The following NRG1 variants were observed in gnomAD, a reference collection of about 807,000 sequenced individuals.
NRG1 encodes pro-neuregulin-1, membrane-bound isoform.
A neutral mutation model predicts 63.8 loss-of-function variants in NRG1; 18 were observed. The ratio of observed to expected loss-of-function variants is 0.28; its 90% confidence interval spans 0.19 to 0.42. The LOEUF is 0.42. NRG1 is among the 10% of genes least tolerant of loss of function. NRG1 has a pLI of 1.00. For synonymous variants in NRG1, 302 were observed against 301.3 expected (o/e 1.00, Z -0.02); for missense variants, 762 against 814.7 (o/e 0.94, Z 0.79).
intron 1 of NRG1, among the ~76,000 whole-genome samples, chr8:32,357,403 C>T (rs1433291638): frequency 2.0e-5 from 3 of 152,152 alleles, no homozygotes; most frequent in Non-Finnish European, 4.4e-5. Context: ...AGTTTTAGAA[C>T]AGTAGTAAGT....
At chr8:32,634,099 T>TA (rs57478389) in intron 5 of NRG1, among the ~76,000 whole-genome samples, 1,334 of 86,728 alleles carry the variant, frequency 0.015, 35 homozygotes, top group Non-Finnish European at 0.018. Context: ...GATCTTGTCT[T>TA]AAAAAAAAAA....
chr8:32,408,832 C>T (rs1442351815), intron 1 of NRG1, among the ~76,000 whole-genome samples: 1 of 152,068 alleles, frequency 6.6e-6, no homozygotes, highest in African/African-American at 2.4e-5. Context: ...GTGTAACCAT[C>T]ACTCAAATAG....
intron 1 of NRG1, among the ~76,000 whole-genome samples, chr8:32,435,141 A>C (rs1818625124): frequency 6.6e-6 from 1 of 152,128 alleles, no homozygotes; most frequent in Non-Finnish European, 1.5e-5. Flanking sequence ...AGATAGGCAC[A>C]ATGGGAGGCA....
rs1829264728 is a variant in NRG1 at position 32,754,302 on chromosome 8, C to G, written c.692-70C>G. The G allele has an allele frequency of 1.3e-5, 17 of 1,307,940 alleles. 1 individual carries two copies. In the South Asian group the frequency reaches 1.9e-4, roughly 15 times the overall value. The allele number at this position is 1,307,940 out of a possible 1,614,324, so 81.0% of individuals were successfully genotyped here. The stretch of plus-strand genomic sequence containing the variant: ...TGGACAATGTCATGCAGCATGCCCA[C>G]TGTTTGGTTGTAGTCAGTCCTGGCA... On this transcript the variant is annotated intron_variant, in intron 7 of 11. Transcript: ENST00000356819.
chr8:32,209,712 CCCTTCCTTCCTT>C (rs200085311), intron 1 of NRG1, among the ~76,000 whole-genome samples: 12,323 of 131,898 alleles, frequency 0.093, 637 homozygotes, highest in Non-Finnish European at 0.1. Context: ...TTCTCTCTTT[CCCTTCCTTCCTT>C]CCTTCCTTCC....
At chr8:31,908,433 T>C (rs1277501292) in intron 1 of NRG1, among the ~76,000 whole-genome samples, 3 of 152,188 alleles carry the variant, frequency 2.0e-5, no homozygotes, top group Non-Finnish European at 4.4e-5. Context: ...TAACACTCAC[T>C]GGTGGCAGTG....
At chr8:32,619,022 G>T (rs1025698798) in intron 5 of NRG1, among the ~76,000 whole-genome samples, 4 of 152,104 alleles carry the variant, frequency 2.6e-5, no homozygotes, top group African/African-American at 9.7e-5. Context: ...AGGCCAGTCT[G>T]GGTAACATTA....
At chr8:31,722,846 T>A (rs562001055) in intron 1 of NRG1, among the ~76,000 whole-genome samples, 2 of 152,270 alleles carry the variant, frequency 1.3e-5, no homozygotes, top group East Asian at 3.9e-4. Context: ...TAGTTAAAAA[T>A]GTTAAATTTT....
intron 1 of NRG1, among the ~76,000 whole-genome samples, chr8:31,720,115 G>T (rs976843012): frequency 6.6e-5 from 10 of 152,004 alleles, no homozygotes; most frequent in Non-Finnish European, 1.3e-4. Flanking sequence ...TTAATTTAAC[G>T]CTTGTTTGTA....
intron 1 of NRG1, among the ~76,000 whole-genome samples, chr8:32,464,367 C>T (rs982376510): frequency 7.6e-5 from 11 of 144,886 alleles, no homozygotes; most frequent in Non-Finnish European, 1.5e-4. Flanking sequence ...TATCTCGCTC[C>T]TAGATCAGGA....
At chr8:32,464,310 C>T (rs1191580700) in intron 1 of NRG1, among the ~76,000 whole-genome samples, 4 of 108,598 alleles carry the variant, frequency 3.7e-5, no homozygotes, top group Admixed American at 1.4e-4. Flanking sequence ...ATGTCGTCAA[C>T]ACAGAACTGT....
At chr8:32,358,285 A>C (rs1806722804) in intron 1 of NRG1, among the ~76,000 whole-genome samples, 1 of 151,050 alleles carries the variant, frequency 6.6e-6, no homozygotes. Flanking sequence ...TGGGAGAGTA[A>C]GCATTTGTGC....
chr8:32,507,129 G>A (rs1454065701), intron 1 of NRG1, among the ~76,000 whole-genome samples: 1 of 150,884 alleles, frequency 6.6e-6, no homozygotes, highest in Non-Finnish European at 1.5e-5. Flanking sequence ...TCATGATTAA[G>A]CTCTAAGTCA....
At chr8:32,061,050 A>G (rs1165778633) in intron 1 of NRG1, among the ~76,000 whole-genome samples, 1 of 151,904 alleles carries the variant, frequency 6.6e-6, no homozygotes, top group East Asian at 1.9e-4. Context: ...CTAAACTATT[A>G]TATACTATAC....
chr8:31,998,058 T>C (rs991536747), intron 1 of NRG1, among the ~76,000 whole-genome samples: 1 of 151,940 alleles, frequency 6.6e-6, no homozygotes, highest in African/African-American at 2.4e-5. Context: ...TCATGAATAA[T>C]AGGGCCTGGG....
intron 1 of NRG1, among the ~76,000 whole-genome samples, chr8:32,470,636 G>T (rs1456714985): frequency 6.6e-6 from 1 of 152,132 alleles, no homozygotes; most frequent in Non-Finnish European, 1.5e-5. Context: ...GAGTGTGAGT[G>T]GGGGAGAGAG....
At chr8:32,403,712 A>T (rs887742208) in intron 1 of NRG1, among the ~76,000 whole-genome samples, 3 of 152,166 alleles carry the variant, frequency 2.0e-5, no homozygotes, top group Admixed American at 2.0e-4. Flanking sequence ...CTTAAGTGGC[A>T]ATTATTTTAA....
At chr8:32,602,216 T>C (rs1038891063) in intron 2 of NRG1, among the ~76,000 whole-genome samples, 2 of 152,178 alleles carry the variant, frequency 1.3e-5, no homozygotes, top group African/African-American at 4.8e-5. Flanking sequence ...ATTTAACTTT[T>C]TTTAATGCAA....
At chr8:32,688,798 GT>G (rs1688951539) in intron 5 of NRG1, among the ~76,000 whole-genome samples, 1 of 152,044 alleles carries the variant, frequency 6.6e-6, no homozygotes, top group Non-Finnish European at 1.5e-5. Flanking sequence ...TTTCTTTACT[GT>G]TAGAACAGTT....
Sources: gnomAD v4.1 joint callset for allele counts (sites outside exome capture counted in the v4.1 genomes callset) on GRCh38, gnomAD v4.1.1 for gene constraint, MANE v1.5 for transcripts, NCBI Gene and HGNC (gene_info 2026-07-23, HGNC 2026-07-21) for gene names.